The following GPR158 variants were observed in gnomAD, a reference collection of about 807,000 sequenced individuals.
The protein encoded by GPR158 is G protein-coupled receptor 158.
A neutral mutation model predicts 78.2 loss-of-function variants in GPR158; 30 were observed. The observed-to-expected ratio is 0.38, with a 90% CI of 0.29 to 0.52. The LOEUF (loss-of-function observed/expected upper bound fraction) is 0.52. Among genes scored for constraint, GPR158 ranks in the 20% least tolerant of loss-of-function variants. GPR158 has a pLI of 0.83. For synonymous variants in GPR158, 581 were observed against 591.1 expected, an observed-to-expected ratio of 0.98 and a Z score of 0.25; for missense variants, 1,463 against 1,523.5, an observed-to-expected ratio of 0.96 and a Z score of 0.66.
intron 4 of GPR158, among the ~76,000 whole-genome samples, chr10:25,423,073 G>GTA (rs1199555712): frequency 6.7e-5 from 10 of 150,236 alleles, no homozygotes; most frequent in African/African-American, 1.2e-4. Flanking sequence ...GTATGTCTGT[G>GTA]TGTATATATA....
intron 4 of GPR158, among the ~76,000 whole-genome samples, chr10:25,438,011 C>A (rs1169830940): frequency 1.3e-5 from 2 of 152,138 alleles, no homozygotes; most frequent in Non-Finnish European, 2.9e-5. Context: ...GGAATAGGGT[C>A]CTGAGTGCAG....
rs187085459 is a variant in GPR158, at chr10:25,486,442, C to T, written c.1404+19723C>T. Among the ~76,000 whole-genome samples the T allele has an allele frequency of 2.8e-4, 42 of 152,216 alleles. No individual in the cohort carries two copies. The East Asian group carries it at 6.0e-3, about 22-fold the overall frequency. ...TTCATCTGTAAAATGAAAGTAATAA[C>T]GTCATCATGGGAGACTACATGATTT... On this transcript the variant is annotated intron_variant, in intron 5 of 10. Coordinates refer to ENST00000376351, the MANE Select transcript of GPR158 (RefSeq NM_020752.3).
chr10:25,493,734 A>G (rs749548655), intron 5 of GPR158, among the ~76,000 whole-genome samples: 4 of 152,252 alleles, frequency 2.6e-5, no homozygotes, highest in Non-Finnish European at 5.9e-5. Flanking sequence ...CATATAGATT[A>G]GTAAATTAAG....
chr10:25,564,882 T>C (rs1836908141), intron 6 of GPR158, among the ~76,000 whole-genome samples: 1 of 152,194 alleles, frequency 6.6e-6, no homozygotes, highest in South Asian at 2.1e-4. Context: ...TATGGACTGA[T>C]AGACTTTTGA....
At chr10:25,581,416 G>A (rs1430954911) in intron 7 of GPR158, among the ~76,000 whole-genome samples, 1 of 152,084 alleles carries the variant, frequency 6.6e-6, no homozygotes, top group Non-Finnish European at 1.5e-5. Flanking sequence ...ACATTGTCTT[G>A]GCTTAGGGCT....
intron 5 of GPR158, among the ~76,000 whole-genome samples, chr10:25,524,920 A>G (rs1308388582): frequency 6.6e-6 from 1 of 152,216 alleles, no homozygotes; most frequent in African/African-American, 2.4e-5. Flanking sequence ...TTACAACTCA[A>G]TAATAAAAAG....
At chr10:25,268,165 A>G (rs529233759) in intron 2 of GPR158, among the ~76,000 whole-genome samples, 48 of 152,248 alleles carry the variant, frequency 3.2e-4, no homozygotes, top group African/African-American at 9.9e-4. Flanking sequence ...TCTCTATATA[A>G]AATCAAATGA....
chr10:25,459,405 C>T (rs1835329700), intron 4 of GPR158, among the ~76,000 whole-genome samples: 1 of 152,072 alleles, frequency 6.6e-6, no homozygotes, highest in Non-Finnish European at 1.5e-5. Flanking sequence ...CTCATAGATG[C>T]TGGGTCCAAC....
intron 1 of GPR158, among the ~76,000 whole-genome samples, chr10:25,200,171 G>A (rs1852902030): frequency 6.6e-6 from 1 of 152,106 alleles, no homozygotes. Context: ...AATCTTGCCA[G>A]TATCTGTTGT....
At chr10:25,375,542 G>A (rs10764536) in intron 2 of GPR158, among the ~76,000 whole-genome samples, 28,567 of 151,250 alleles carry the variant, frequency 0.19, 3,108 homozygotes, top group Non-Finnish European at 0.25. Context: ...TATTTACATA[G>A]TATCACATAA....
chr10:25,331,515 G>A (rs1423292673), intron 2 of GPR158, among the ~76,000 whole-genome samples: 1 of 152,126 alleles, frequency 6.6e-6, no homozygotes, highest in Non-Finnish European at 1.5e-5. Flanking sequence ...ATGAACAAGG[G>A]AATTCTATCC....
At chr10:25,372,012 C>A (rs1406708488) in intron 2 of GPR158, among the ~76,000 whole-genome samples, 17 of 151,494 alleles carry the variant, frequency 1.1e-4, no homozygotes, top group East Asian at 9.8e-4. Flanking sequence ...ATTTACAAGA[C>A]AAAAACAAAC....
chr10:25,345,166 TC>T (rs1855356220), intron 2 of GPR158, among the ~76,000 whole-genome samples: 1 of 151,970 alleles, frequency 6.6e-6, no homozygotes, highest in Non-Finnish European at 1.5e-5. Context: ...TAGCAGAACA[TC>T]TAATCCGTTC....
chr10:25,464,351 CCACTCGAGG>C, intron 4 of GPR158, among the ~76,000 whole-genome samples: 1 of 152,234 alleles, frequency 6.6e-6, no homozygotes, highest in Non-Finnish European at 1.5e-5. Flanking sequence ...GGAAGGTCCC[CCACTCGAGG>C]CATTCATCTC....
intron 2 of GPR158, among the ~76,000 whole-genome samples, chr10:25,261,646 A>G (rs1352727364): frequency 1.3e-5 from 2 of 152,170 alleles, no homozygotes; most frequent in African/African-American, 4.8e-5. Flanking sequence ...ATTTCAATGG[A>G]ATAAATTAGA....
chr10:25,472,234 T>G (rs529992767), intron 5 of GPR158, among the ~76,000 whole-genome samples: 2,714 of 151,928 alleles, frequency 0.018, 80 homozygotes, highest in African/African-American at 0.062. Flanking sequence ...TTTCCCCATT[T>G]CTTGTTTTTG....
In GPR158 at chr10:25,395,907, A is replaced by T; in HGVS notation, c.1009-4A>T. The T allele has an allele frequency of 6.8e-7, 1 of 1,477,734 alleles. No homozygotes were observed. The highest frequency in any genetic ancestry group is 9.5e-7 in the Non-Finnish European group (1 of 1,056,134). The allele number at this position is 1,477,734 out of a possible 1,614,324, so 91.5% of individuals were successfully genotyped here. A position where few individuals can be genotyped will look rare whatever the true frequency, so the allele number is the denominator to read the frequency against. ...ACTATGTTGCTGTCTTTTCTTCTTC[A>T]TAGTGTATGCCAATTAAAGGCCTAG... On this transcript the variant is annotated splice_polypyrimidine_tract_variant and splice_region_variant and intron_variant, in intron 2 of 10. Coordinates refer to ENST00000376351, the MANE Select transcript of GPR158 (RefSeq NM_020752.3).
chr10:25,540,493 G>A (rs373448296), intron 5 of GPR158, among the ~76,000 whole-genome samples: 4 of 151,936 alleles, frequency 2.6e-5, no homozygotes, highest in Admixed American at 6.6e-5. Flanking sequence ...ACATGCATAC[G>A]TATGTTTATT....
chr10:25,585,572 G>C (rs1222620593), intron 7 of GPR158, among the ~76,000 whole-genome samples: 1 of 152,196 alleles, frequency 6.6e-6, no homozygotes, highest in African/African-American at 2.4e-5. Context: ...ATAGAAATAG[G>C]ACTTCAACTG....
Sources: gnomAD v4.1 joint callset for allele counts (sites outside exome capture counted in the v4.1 genomes callset) on GRCh38, gnomAD v4.1.1 for gene constraint, MANE v1.5 for transcripts, NCBI Gene and HGNC (gene_info 2026-07-23, HGNC 2026-07-21) for gene names.